The following ASXL2 variants were observed in gnomAD, a reference collection of about 807,000 sequenced individuals.
ASXL2 encodes putative Polycomb group protein ASXL2.
In ASXL2, 23 loss-of-function variants were observed where a neutral mutation model predicts 122.0. The observed-to-expected ratio is 0.19, with a 90% CI of 0.14 to 0.27. The LOEUF (loss-of-function observed/expected upper bound fraction) is 0.27, where lower values mean the gene tolerates loss of function less well. Among genes scored for constraint, ASXL2 ranks in the 10% least tolerant of loss-of-function variants. ASXL2 has a pLI of 1.00. For missense variants in ASXL2, 1,518 were observed against 1,713.8 expected, an observed-to-expected ratio of 0.89 and a Z score of 2.02; for synonymous variants, 650 against 637.0, an observed-to-expected ratio of 1.02 and a Z score of -0.31.
intron 10 of ASXL2, among the ~76,000 whole-genome samples, chr2:25,755,424 T>C (rs965463977): frequency 1.3e-5 from 2 of 152,232 alleles, no homozygotes; most frequent in Non-Finnish European, 2.9e-5. Flanking sequence ...ATGGCACACA[T>C]GGCAGACCAG....
Position 25,878,358 on chromosome 2 carries a change from A to C in ASXL2, c.-136T>G. On this transcript the variant is annotated 5_prime_UTR_variant, in exon 1 of 13. Coordinates refer to ENST00000435504, the MANE Select transcript of ASXL2 (RefSeq NM_018263.6). ...GGGAAGTCAGACCGGGGGGGCACCC[A>C]AGCAGAGGAAGCGGCGGGGGTGGTG... The C allele has an allele frequency of 9.9e-6, 7 of 707,642 alleles. No individual in the cohort carries two copies. The highest frequency in any genetic ancestry group is 3.3e-5 in the East Asian group (1 of 30,154). The allele number at this position is 707,642 out of a possible 1,614,324, so 43.8% of individuals were successfully genotyped here. A position where few individuals can be genotyped will look rare whatever the true frequency, so the allele number is the denominator to read the frequency against.
intron 5 of ASXL2, among the ~76,000 whole-genome samples, chr2:25,797,773 A>T (rs1270510252): frequency 6.6e-6 from 1 of 152,244 alleles, no homozygotes. Flanking sequence ...ACTCTCATCC[A>T]CTGCTGGTGC....
intron 5 of ASXL2, among the ~76,000 whole-genome samples, chr2:25,790,327 T>C (rs1357456109): frequency 9.1e-5 from 1 of 10,952 alleles, no homozygotes; most frequent in African/African-American, 4.6e-4. Context: ...GGGGTGGGGG[T>C]GGGGGGGGTG....
intron 1 of ASXL2, among the ~76,000 whole-genome samples, chr2:25,873,392 AGAGT>A (rs1199334314): frequency 1.4e-4 from 21 of 152,328 alleles, no homozygotes; most frequent in Admixed American, 1.4e-3. Flanking sequence ...GACTGACGAC[AGAGT>A]GAGACTCTGT....
chr2:25,860,770 T>G (rs752837241), intron 1 of ASXL2, among the ~76,000 whole-genome samples: 2 of 150,774 alleles, frequency 1.3e-5, no homozygotes, highest in African/African-American at 2.4e-5. Flanking sequence ...CCCAGCACTT[T>G]CGGAGGCCGA....
Position 25,799,493 on chromosome 2 carries a change from C to T in ASXL2, c.295G>A (p.Glu99Lys). Residue 99 changes from glutamate to lysine, a missense_variant, in exon 5 of 13, where the codon GAA becomes AAA. Around this residue, in one of 8 missense-constraint regions of ASXL2, gnomAD observed 198 missense variants for 209.0 expected, o/e 0.95. Transcript: ENST00000435504. ...TCTGACTGACCATCACTGCTTTCTT[C>T]TGAACCTTCTGACAGCTCTTTCACC... ...DGVKELSEGSEESSDGQSDSQ... is the reference protein window; with the variant it reads ...DGVKELSEGSKESSDGQSDSQ... 1 of 1,613,956 alleles carries T rather than the reference C, an allele frequency of 6.2e-7. No individual in the cohort carries two copies. The highest frequency in any genetic ancestry group is 2.2e-5 in the East Asian group (1 of 44,882).
chr2:25,822,723 T>G, intron 3 of ASXL2: 1 of 693,196 alleles, frequency 1.4e-6, no homozygotes, highest in Non-Finnish European at 2.6e-6. Flanking sequence ...TGGCCAGTCA[T>G]AGCCAAGGTT....
intron 5 of ASXL2, among the ~76,000 whole-genome samples, chr2:25,787,117 C>G (rs2088760460): frequency 6.6e-6 from 1 of 152,076 alleles, no homozygotes; most frequent in Non-Finnish European, 1.5e-5. Context: ...TGTCAATATT[C>G]AGAGAGGAAA....
chr2:25,851,601 C>T (rs1263944811), intron 1 of ASXL2, among the ~76,000 whole-genome samples: 1 of 152,190 alleles, frequency 6.6e-6, no homozygotes, highest in East Asian at 1.9e-4. Context: ...AGCTTCCCTC[C>T]CTTTGATAGC....
At position 25,794,840 on chromosome 2, in the gene ASXL2, C is replaced by A. The variant is rs1014878184; in HGVS notation, c.403+4545G>T. On this transcript the variant is annotated intron_variant, in intron 5 of 12. Coordinates refer to ENST00000435504, the MANE Select transcript of ASXL2 (RefSeq NM_018263.6). ...CCGAAATAAGAAAAAGTAATAGGCA[C>A]AATTAGCTTGCTTTACCTTTATTGA... 5.2e-4 allele frequency among the ~76,000 whole-genome samples: 79 copies of A among 152,226 alleles called. 1 individual carries two copies. The highest frequency in any genetic ancestry group is 1.8e-3 in the African/African-American group (73 of 41,534).
At chr2:25,765,048 T>C (rs555541449) in intron 8 of ASXL2, among the ~76,000 whole-genome samples, 1 of 152,212 alleles carries the variant, frequency 6.6e-6, no homozygotes, top group Non-Finnish European at 1.5e-5. Flanking sequence ...TCTGACTGAA[T>C]CTGGGATGTA....
intron 5 of ASXL2, among the ~76,000 whole-genome samples, chr2:25,785,237 A>G (rs2149164019): frequency 6.6e-6 from 1 of 152,106 alleles, no homozygotes; most frequent in Admixed American, 6.5e-5. Flanking sequence ...TTGTTTGTTT[A>G]TTTTTTGAGA....
intron 3 of ASXL2, among the ~76,000 whole-genome samples, chr2:25,809,518 T>C (rs1403336272): frequency 1.3e-5 from 2 of 152,094 alleles, no homozygotes; most frequent in Admixed American, 6.5e-5. Flanking sequence ...TTTCCTCTTC[T>C]CTATGGAAAG....
rs1047955475 is a variant in ASXL2 at position 25,761,597 on chromosome 2, C to T, written c.776-1952G>A. Among the ~76,000 whole-genome samples, 101 of 145,238 alleles carry T rather than the reference C, an allele frequency of 7.0e-4. 1 individual carries two copies. Among genetic ancestry groups the T allele is most frequent in the African/African-American group, 2.0e-3 (76 of 38,774 alleles). On this transcript the variant is annotated intron_variant, in intron 8 of 12. Coordinates refer to ENST00000435504, the MANE Select transcript of ASXL2 (RefSeq NM_018263.6). ...CTGAGGCAGGAGAATGGCGTGAACCCGGGAGGCGGAGCTTGCAGTGAGCCG... is the reference window on the plus strand; with the variant it reads ...CTGAGGCAGGAGAATGGCGTGAACCTGGGAGGCGGAGCTTGCAGTGAGCCG...
Position 25,740,816 on chromosome 2 carries a change from A to C in ASXL2, c.*1213T>G, listed in dbSNP as rs374657486. The C allele has an allele frequency of 8.7e-5, 17 of 196,480 alleles. No homozygotes were observed. The South Asian group carries it at 1.7e-3, about 20-fold the overall frequency. The allele number at this position is 196,480 out of a possible 1,614,324, so 12.2% of individuals were successfully genotyped here. A position where few individuals can be genotyped will look rare whatever the true frequency, so the allele number is the denominator to read the frequency against. On this transcript the variant is annotated 3_prime_UTR_variant, in exon 13 of 13. Coordinates refer to ENST00000435504, the MANE Select transcript of ASXL2 (RefSeq NM_018263.6). ...TTCTAAAACAGGAAAAATGTCTTGT[A>C]TTGTGTGTGTGTGTGTACATACACG...
At chr2:25,791,763 C>G (rs2088838044) in intron 5 of ASXL2, among the ~76,000 whole-genome samples, 1 of 152,044 alleles carries the variant, frequency 6.6e-6, no homozygotes, top group Non-Finnish European at 1.5e-5. Flanking sequence ...ACTTAGTAAC[C>G]CAGGCAAAGT....
rs1259984599 is a variant in ASXL2, at chr2:25,740,894, G to A, written c.*1135C>T. On this transcript the variant is annotated 3_prime_UTR_variant, in exon 13 of 13. Transcript: ENST00000435504. ...GATGTCATCCTGTTCAGATGCCTGG[G>A]AGGTCAAAACAGGTTGAACAGAATG... is the stretch of plus-strand genomic sequence containing the variant. 5.2e-6 allele frequency: 1 copy of A among 191,528 alleles called. No individual in the cohort carries two copies. The highest frequency in any genetic ancestry group is 2.3e-5 in the African/African-American group (1 of 43,096). The allele number at this position is 191,528 out of a possible 1,614,324, so 11.9% of individuals were successfully genotyped here.
At chr2:25,818,484 C>A (rs2089267377) in intron 3 of ASXL2, among the ~76,000 whole-genome samples, 1 of 152,156 alleles carries the variant, frequency 6.6e-6, no homozygotes, top group South Asian at 2.1e-4. Context: ...GTACTCCAGC[C>A]TGGGCGACTG....
At chr2:25,801,015 C>G (rs1375137211) in intron 4 of ASXL2, among the ~76,000 whole-genome samples, 1 of 152,196 alleles carries the variant, frequency 6.6e-6, no homozygotes, top group Non-Finnish European at 1.5e-5. Flanking sequence ...TAGCCTCGAC[C>G]TCCCAGGCGC....
Sources: allele counts gnomAD v4.1 joint callset (sites outside exome capture counted in the v4.1 genomes callset), GRCh38; gene constraint gnomAD v4.1.1; regional missense constraint gnomAD v4.1.1; transcripts MANE v1.5; gene names NCBI Gene and HGNC (gene_info 2026-07-23, HGNC 2026-07-21).